The following FBXL7 variants were observed in gnomAD, a reference collection of about 807,000 sequenced individuals.
FBXL7 encodes the protein F-box/LRR-repeat protein 7.
In FBXL7, 12 loss-of-function variants were observed where a neutral mutation model predicts 38.3. The observed-to-expected ratio is 0.31, with a 90% confidence interval of 0.20 to 0.51. The LOEUF is 0.51. Ranked by LOEUF, FBXL7 falls within the 20% of genes least tolerant of loss-of-function variation. FBXL7 has a pLI of 0.98. For synonymous variants in FBXL7, 297 were observed against 300.9 expected (o/e 0.99, Z 0.13); for missense variants, 567 against 676.4 (o/e 0.84, Z 1.79).
At chr5:15,821,421 G>T (rs547613125) in intron 2 of FBXL7, among the ~76,000 whole-genome samples, 1 of 152,068 alleles carries the variant, frequency 6.6e-6, no homozygotes, top group Non-Finnish European at 1.5e-5. Context: ...AAAACCCGTC[G>T]CACAGGGAGA....
At chr5:15,877,937 C>A (rs190294882) in intron 2 of FBXL7, among the ~76,000 whole-genome samples, 67 of 152,270 alleles carry the variant, frequency 4.4e-4, no homozygotes, top group Middle Eastern at 3.4e-3. Context: ...TCTCTTCATA[C>A]AGTTTCTCGC....
intron 2 of FBXL7, among the ~76,000 whole-genome samples, chr5:15,698,300 G>A (rs1031240118): frequency 1.3e-5 from 2 of 152,098 alleles, no homozygotes; most frequent in Admixed American, 6.5e-5. Context: ...CATAAGTCAC[G>A]TATCTTTAAC....
chr5:15,889,721 A>G (rs550807218), intron 2 of FBXL7, among the ~76,000 whole-genome samples: 1 of 152,310 alleles, frequency 6.6e-6, no homozygotes, highest in African/African-American at 2.4e-5. Flanking sequence ...TGATTTCAAC[A>G]TGCAGCCAAG....
rs76136847 is a variant in FBXL7 at position 15,619,387 on chromosome 5, G to C, written c.127+3315G>C. On this transcript the variant is annotated intron_variant, in intron 2 of 3. Coordinates refer to ENST00000504595, the MANE Select transcript of FBXL7 (RefSeq NM_012304.5). ...CAAACCGTCACCGACATTTCTAGTT[G>C]GGGTGGGATGGGAAGCCGTCTCCTG... is the stretch of plus-strand genomic sequence containing the variant. Among the ~76,000 whole-genome samples the C allele has an allele frequency of 1.8e-3, 279 of 152,234 alleles. 2 individuals are homozygous for C. Among genetic ancestry groups the C allele is most frequent in the African/African-American group, 6.5e-3 (270 of 41,540 alleles).
At position 15,892,923 on chromosome 5, in the gene FBXL7, C is replaced by T. The variant is rs541017297; in HGVS notation, c.128-34967C>T. On this transcript the variant is annotated intron_variant, in intron 2 of 3. Coordinates refer to ENST00000504595, the MANE Select transcript of FBXL7 (RefSeq NM_012304.5). ...ACGAGGTCAGGAGATCGAGACCATCCTGGCTAACAGGGTGAAACCCCGTCT... is the reference window on the plus strand; with the variant it reads ...ACGAGGTCAGGAGATCGAGACCATCTTGGCTAACAGGGTGAAACCCCGTCT... Among the ~76,000 whole-genome samples, 4 of 152,224 alleles carry T rather than the reference C, an allele frequency of 2.6e-5. No individual in the cohort carries two copies. In the East Asian group the frequency reaches 7.8e-4, roughly 30 times the overall value.
At chr5:15,881,227 C>G (rs1369685895) in intron 2 of FBXL7, among the ~76,000 whole-genome samples, 1 of 152,058 alleles carries the variant, frequency 6.6e-6, no homozygotes, top group Non-Finnish European at 1.5e-5. Flanking sequence ...ATTCTTATGC[C>G]TTTGCATCCT....
At chr5:15,564,168 G>A (rs1032065396) in intron 1 of FBXL7, among the ~76,000 whole-genome samples, 1 of 151,936 alleles carries the variant, frequency 6.6e-6, no homozygotes, top group African/African-American at 2.4e-5. Flanking sequence ...AAAGGGCTCT[G>A]GAGTGTCTAT....
At chr5:15,812,981 G>A (rs528308551) in intron 2 of FBXL7, among the ~76,000 whole-genome samples, 16 of 152,222 alleles carry the variant, frequency 1.1e-4, no homozygotes, top group African/African-American at 3.4e-4. Flanking sequence ...CATTGATTTT[G>A]TATCCTGAGA....
intron 2 of FBXL7, among the ~76,000 whole-genome samples, chr5:15,777,829 G>A (rs1736897296): frequency 6.8e-6 from 1 of 148,100 alleles, no homozygotes; most frequent in Non-Finnish European, 1.5e-5. Context: ...ACTATTACAT[G>A]TGATCTAGGA....
At chr5:15,507,505 C>T (rs1306470004) in intron 1 of FBXL7, among the ~76,000 whole-genome samples, 1 of 152,100 alleles carries the variant, frequency 6.6e-6, no homozygotes, top group Non-Finnish European at 1.5e-5. Context: ...GCACTTTTGT[C>T]CTAAGGCCAT....
At chr5:15,723,307 CTT>C (rs567304094) in intron 2 of FBXL7, among the ~76,000 whole-genome samples, 234 of 152,240 alleles carry the variant, frequency 1.5e-3, no homozygotes, top group Non-Finnish European at 1.9e-3. Flanking sequence ...GAGATAATAA[CTT>C]TTGAATACTA....
chr5:15,542,566 A>C (rs1236806906), intron 1 of FBXL7, among the ~76,000 whole-genome samples: 1 of 152,190 alleles, frequency 6.6e-6, no homozygotes, highest in African/African-American at 2.4e-5. Flanking sequence ...TGTACATTAC[A>C]AGTATAACTG....
intron 1 of FBXL7, among the ~76,000 whole-genome samples, chr5:15,546,559 T>C (rs572506655): frequency 1.3e-5 from 2 of 151,704 alleles, no homozygotes; most frequent in East Asian, 3.9e-4. Context: ...ATAGCGAGAC[T>C]CTGTCTCCAA....
chr5:15,688,362 C>T (rs756872834), intron 2 of FBXL7, among the ~76,000 whole-genome samples: 2 of 152,168 alleles, frequency 1.3e-5, no homozygotes, highest in Non-Finnish European at 2.9e-5. Flanking sequence ...AGTATTATCC[C>T]AATTTATAAA....
intron 2 of FBXL7, among the ~76,000 whole-genome samples, chr5:15,789,937 G>A (rs915308181): frequency 6.6e-6 from 1 of 152,176 alleles, no homozygotes; most frequent in Admixed American, 6.5e-5. Flanking sequence ...GAATTAGTGA[G>A]GGGCAGATTC....
intron 2 of FBXL7, among the ~76,000 whole-genome samples, chr5:15,764,882 T>C (rs1056897613): frequency 2.0e-5 from 3 of 152,254 alleles, no homozygotes; most frequent in African/African-American, 7.2e-5. Flanking sequence ...GGCCAGATTG[T>C]AAATATTTTA....
At chr5:15,784,549 G>A (rs1353456838) in intron 2 of FBXL7, among the ~76,000 whole-genome samples, 1 of 152,112 alleles carries the variant, frequency 6.6e-6, no homozygotes, top group Non-Finnish European at 1.5e-5. Flanking sequence ...TTAGAGATGA[G>A]GCCTGGTGGG....
intron 1 of FBXL7, among the ~76,000 whole-genome samples, chr5:15,570,829 A>T (rs1399961694): frequency 6.6e-6 from 1 of 152,170 alleles, no homozygotes; most frequent in Non-Finnish European, 1.5e-5. Context: ...ACTGTGTCTC[A>T]TGCCTGTAAT....
At chr5:15,808,775 A>T (rs537977580) in intron 2 of FBXL7, among the ~76,000 whole-genome samples, 1 of 152,306 alleles carries the variant, frequency 6.6e-6, no homozygotes, top group South Asian at 2.1e-4. Context: ...AGTTCCTGAC[A>T]CACAGCAGGG....
Sources: gnomAD v4.1 joint callset for allele counts (sites outside exome capture counted in the v4.1 genomes callset) on GRCh38, gnomAD v4.1.1 for gene constraint, MANE v1.5 for transcripts, NCBI Gene and HGNC (gene_info 2026-07-23, HGNC 2026-07-21) for gene names.